MCF2L: variants seen among roughly 807,000 people sequenced by gnomAD.
The protein encoded by MCF2L is MCF.2 cell line derived transforming sequence like, also known as guanine nucleotide exchange factor DBS.
MCF2L carries 97 observed loss-of-function variants against 153.4 expected under a neutral mutation model. That is an observed-to-expected ratio of 0.63 (90% CI 0.54 to 0.75). The LOEUF (loss-of-function observed/expected upper bound fraction) is 0.75, where lower values mean the gene tolerates loss of function less well. Among genes scored for constraint, MCF2L ranks in the 30% least tolerant of loss-of-function variants. MCF2L has a pLI of 0.00. For missense variants in MCF2L, 1,347 were observed against 1,495.2 expected (o/e 0.90, Z 1.64); for synonymous variants, 659 against 632.2 (o/e 1.04, Z -0.64).
At chr13:112,962,767 C>T (rs896811621) in intron 2 of MCF2L, among the ~76,000 whole-genome samples, 1 of 152,176 alleles carries the variant, frequency 6.6e-6, no homozygotes, top group Non-Finnish European at 1.5e-5. Flanking sequence ...GAGGAAGGAG[C>T]CCCCCGTGTG....
intron 25 of MCF2L, among the ~76,000 whole-genome samples, chr13:113,089,193 A>T (rs562707338): frequency 1.1e-3 from 131 of 121,798 alleles, no homozygotes; most frequent in African/African-American, 3.7e-3. Flanking sequence ...CCCCCGAAAA[A>T]AAAAGCCTCA....
Position 113,095,610 on chromosome 13 carries a change from C to A in MCF2L, c.3076-761C>A. ...CCAGTCACCGTCCTCTTGCTCCAGG[C>A]CATCATGTGAGAGCAGGTGGCCCAG... On this transcript the variant is annotated intron_variant, in intron 27 of 29. Transcript: ENST00000535094. The A allele has an allele frequency of 5.0e-6, 5 of 995,728 alleles. No homozygotes were observed. In the South Asian group the frequency reaches 1.8e-4, roughly 36 times the overall value. The allele number at this position is 995,728 out of a possible 1,614,324, so 61.7% of individuals were successfully genotyped here.
At chr13:113,061,014 G>A (rs113053975) in intron 5 of MCF2L, among the ~76,000 whole-genome samples, 154 of 152,104 alleles carry the variant, frequency 1.0e-3, no homozygotes, top group African/African-American at 3.6e-3. Flanking sequence ...ACCCCCAGGA[G>A]AACTACAGAA....
intron 26 of MCF2L, chr13:113,090,873 A>G (rs994269955): frequency 5.2e-6 from 6 of 1,160,694 alleles, no homozygotes; most frequent in Admixed American, 4.1e-5. Flanking sequence ...ACGTCCCTAG[A>G]GACGGGCCCC....
In MCF2L at chr13:113,045,758, C is replaced by T; in HGVS notation, c.369+397C>T. On this transcript the variant is annotated intron_variant, in intron 4 of 29. Transcript: ENST00000535094. The surrounding 1 kb of genome is among the most constrained non-coding windows in gnomAD (Gnocchi z 4.2). The stretch of plus-strand genomic sequence containing the variant: ...GTGACACTGAACGAGCCACCACCGC[C>T]TCCCTTCCCCAGTGGGATTGAACAT... 4.0e-6 allele frequency: 1 copy of T among 247,812 alleles called. No individual in the cohort carries two copies. Among genetic ancestry groups the T allele is most frequent in the Non-Finnish European group, 8.0e-6 (1 of 124,266 alleles). 15.4% of individuals were successfully genotyped at this position (247,812 alleles called of 1,614,324 possible). A position where few individuals can be genotyped will look rare whatever the true frequency, so the allele number is the denominator to read the frequency against.
rs533188122 is a variant in MCF2L, at chr13:112,994,951, G to A, written c.80-19812G>A. On this transcript the variant is annotated intron_variant, in intron 1 of 29. Transcript: ENST00000535094. ...AAAAAGGGGAACAACGCCTGCGTCCGTGTGCACCGGGCTGCGGAGACTTCC... is the reference window on the plus strand; with the variant it reads ...AAAAAGGGGAACAACGCCTGCGTCCATGTGCACCGGGCTGCGGAGACTTCC... 3.9e-5 allele frequency among the ~76,000 whole-genome samples: 6 copies of A among 152,376 alleles called. No homozygotes were observed. In the South Asian group the frequency reaches 6.2e-4, roughly 16 times the overall value.
At chr13:113,055,691 C>T (rs185197512) in intron 4 of MCF2L, among the ~76,000 whole-genome samples, 4 of 152,294 alleles carry the variant, frequency 2.6e-5, no homozygotes, top group South Asian at 2.1e-4. Context: ...ACTGCCCAGG[C>T]GCCTCGTCCA....
intron 3 of MCF2L, among the ~76,000 whole-genome samples, chr13:113,033,352 C>T (rs2085899054): frequency 8.3e-6 from 1 of 120,020 alleles, no homozygotes. Flanking sequence ...CATTAGTGGA[C>T]CCCGTGGCGT....
At chr13:113,087,573 G>A (rs923224867) in intron 22 of MCF2L, 117 bp downstream of exon 22, 1 of 1,104,852 alleles carries the variant, frequency 9.1e-7, no homozygotes, top group Non-Finnish European at 1.3e-6. Context: ...TAGGTGTAGG[G>A]GTGGGGTATT....
In MCF2L at chr13:113,066,176, G is replaced by T. The variant is rs574388912; in HGVS notation, c.881+6G>T. 43 of 1,603,268 alleles carry T rather than the reference G, an allele frequency of 2.7e-5. 2 individuals carry two copies. The South Asian group carries it at 4.1e-4, about 15-fold the overall frequency. ...AACCAGGCCACCGTGCAGAGGTGAG[G>T]CCCGGCTGCCTTCCTGCCCTCATCC... is the stretch of plus-strand genomic sequence containing the variant. On this transcript the variant is annotated splice_donor_region_variant and intron_variant, in intron 8 of 29. Coordinates refer to ENST00000535094, the MANE Select transcript of MCF2L (RefSeq NM_001112732.3).
intron 26 of MCF2L, chr13:113,090,196 G>T: frequency 6.7e-7 from 1 of 1,499,910 alleles, no homozygotes; most frequent in Non-Finnish European, 9.0e-7. Flanking sequence ...CACCCTCACC[G>T]TGGTGGCGTC....
chr13:112,901,209 G>A (rs910208343), intron 1 of MCF2L, among the ~76,000 whole-genome samples: 36 of 151,980 alleles, frequency 2.4e-4, no homozygotes, highest in African/African-American at 8.2e-4. Flanking sequence ...GCTGGAGTGC[G>A]GTGGTGCAAT....
upstream of MCF2L, chr13:112,968,489 C>G: frequency 6.3e-7 from 1 of 1,586,830 alleles, no homozygotes; most frequent in South Asian, 1.1e-5. Flanking sequence ...GAGCCCCGTG[C>G]CTGCAGCGCG....
Position 113,045,413 on chromosome 13 carries a change from T to A in MCF2L, c.369+52T>A. The A allele has an allele frequency of 7.1e-7, 1 of 1,414,190 alleles. No individual in the cohort carries two copies. Among genetic ancestry groups the A allele is most frequent in the Non-Finnish European group, 1.0e-6 (1 of 999,876 alleles). The allele number at this position is 1,414,190 out of a possible 1,614,324, so 87.6% of individuals were successfully genotyped here. A position where few individuals can be genotyped will look rare whatever the true frequency, so the allele number is the denominator to read the frequency against. On this transcript the variant is annotated intron_variant, in intron 4 of 29. Coordinates refer to ENST00000535094, the MANE Select transcript of MCF2L (RefSeq NM_001112732.3). The surrounding 1 kb of genome is among the most constrained non-coding windows in gnomAD (Gnocchi z 4.2). ...GCGCCCGGCCCCTCCCTGGGCTGCA[T>A]GACCGCATGGTGCCCTTCCTCTGTG...
intron 2 of MCF2L, among the ~76,000 whole-genome samples, chr13:112,913,654 G>A (rs1198467562): frequency 6.6e-6 from 1 of 152,134 alleles, no homozygotes; most frequent in Non-Finnish European, 1.5e-5. Context: ...GTCCATCTGT[G>A]GGTCAGTCTG....
intron 2 of MCF2L, among the ~76,000 whole-genome samples, chr13:112,955,748 T>A (rs1346857261): frequency 1.3e-5 from 2 of 152,174 alleles, no homozygotes; most frequent in African/African-American, 4.8e-5. Flanking sequence ...GCTTTGAATG[T>A]GGAAGCTAAG....
chr13:113,082,399 C>A, intron 16 of MCF2L, 28 bp from the exon 17 acceptor site: 8 of 1,463,618 alleles, frequency 5.5e-6, no homozygotes, highest in Non-Finnish European at 7.7e-6. Flanking sequence ...GCCCAGGACC[C>A]CCGCCGACCT....
chr13:113,079,882 C>T (rs1397329584), intron 15 of MCF2L, among the ~76,000 whole-genome samples: 29 of 151,414 alleles, frequency 1.9e-4, no homozygotes, highest in African/African-American at 5.8e-4. Context: ...GGCATCCGCA[C>T]AGAGGAGGGT....
At chr13:112,996,485 G>C (rs2083138317) in intron 1 of MCF2L, among the ~76,000 whole-genome samples, 1 of 152,214 alleles carries the variant, frequency 6.6e-6, no homozygotes, top group Admixed American at 6.5e-5. Flanking sequence ...GGCTCGACCT[G>C]TGCTGTGATT....
Sources: gnomAD v4.1 joint callset for allele counts (sites outside exome capture counted in the v4.1 genomes callset) on GRCh38, gnomAD v4.1.1 for gene constraint, Gnocchi (gnomAD v3.1) non-coding constraint, MANE v1.5 for transcripts, NCBI Gene and HGNC (gene_info 2026-07-23, HGNC 2026-07-21) for gene names.